Variants in PXDN observed in about 807,000 individuals in gnomAD.
PXDN encodes peroxidasin.
A neutral mutation model predicts 140.3 loss-of-function variants in PXDN; 77 were observed. The ratio of observed to expected loss-of-function variants is 0.55; its 90% confidence interval spans 0.46 to 0.66. The LOEUF is 0.66. PXDN is among the 30% of genes least tolerant of loss of function. The pLI, the probability that PXDN is intolerant of heterozygous loss-of-function variation, is 0.00. For synonymous variants in PXDN, 911 were observed against 857.4 expected, an observed-to-expected ratio of 1.06 and a Z score of -1.09; for missense variants, 1,838 against 2,039.5, an observed-to-expected ratio of 0.90 and a Z score of 1.90.
chr2:1,634,230 G>A lies in PXDN; in HGVS notation c.4414C>T (p.Gln1472Ter). 6.2e-7 allele frequency: 1 copy of A among 1,601,260 alleles called. No individual in the cohort carries two copies. Among genetic ancestry groups the A allele is most frequent in the Non-Finnish European group, 8.5e-7 (1 of 1,174,024 alleles). ...TAGGGCTTTTCCTCCGCCCTCTTCT[G>A]TAAGCAGACTGGACAGCAGGCCCCT... ...IPGACCPVCLQKRAEEKP is the reference protein window; with the variant it reads ...IPGACCPVCL The change falls in exon 23 of 23, where the codon CAG (glutamine) becomes TAG (stop). Residue 1472 changes from glutamine to a stop codon, truncating the protein, a stop_gained. Coordinates refer to ENST00000252804, the MANE Select transcript of PXDN (RefSeq NM_012293.3). LOFTEE classifies it low-confidence loss of function (END_TRUNC).
At chr2:1,695,323 G>C (rs984139312) in intron 1 of PXDN, among the ~76,000 whole-genome samples, 1 of 150,322 alleles carries the variant, frequency 6.7e-6, no homozygotes, top group Admixed American at 6.6e-5. Context: ...CTGCTGGACA[G>C]AGAGGTGCTG....
At chr2:1,658,570 C>G (rs1683224892) in intron 14 of PXDN, among the ~76,000 whole-genome samples, 1 of 152,112 alleles carries the variant, frequency 6.6e-6, no homozygotes, top group Admixed American at 6.5e-5. Flanking sequence ...CACTATCCTC[C>G]CCGACACCTC....
chr2:1,712,189 A>T (rs1263009912), intron 1 of PXDN, among the ~76,000 whole-genome samples: 2 of 152,230 alleles, frequency 1.3e-5, no homozygotes, highest in African/African-American at 4.8e-5. Flanking sequence ...CTGGGAAGTA[A>T]ATCAAAGTAC....
At chr2:1,653,866 A>G in intron 15 of PXDN, 81 bp from the exon 16 acceptor site, 1 of 1,377,332 alleles carries the variant, frequency 7.3e-7, no homozygotes, top group Non-Finnish European at 9.8e-7. Context: ...AAATATAATC[A>G]TTGCTATTAA....
In PXDN at chr2:1,666,159, G is replaced by T. The variant is rs539836558; in HGVS notation, c.1291+55C>A. 5.1e-4 allele frequency: 820 copies of T among 1,594,398 alleles called. 1 individual carries two copies. The Middle Eastern group carries it at 5.2e-3, about 10-fold the overall frequency. On this transcript the variant is annotated intron_variant, in intron 10 of 22. Coordinates refer to ENST00000252804, the MANE Select transcript of PXDN (RefSeq NM_012293.3). ...TGTGGGTATGGCAGCGCGAGCTAGT[G>T]GAGGGGTGAGGATGGGGCTGAGCCC...
At position 1,664,974 on chromosome 2, in the gene PXDN, G is replaced by A. The variant is rs61749582; in HGVS notation, c.1392C>T (p.Ile464=). The change falls in exon 11 of 23, where the codon ATC becomes ATT. Residue 464 remains isoleucine (I), a synonymous_variant. Coordinates refer to ENST00000252804, the MANE Select transcript of PXDN (RefSeq NM_012293.3). ...CEAKGNPPPV[I]AWTKGGSQLS... is the part of the protein sequence containing the mutation. ...GGGTCTTACCTCCCTTGGTCCAGGC[G>A]ATGACGGGCGGCGGGTTGCCCTTGG... 834 of 1,609,932 alleles carry A rather than the reference G, an allele frequency of 5.2e-4. 9 individuals carry two copies. The African/African-American group carries it at 9.7e-3, about 19-fold the overall frequency.
At chr2:1,723,587 T>A (rs896912216) in intron 1 of PXDN, among the ~76,000 whole-genome samples, 3 of 151,970 alleles carry the variant, frequency 2.0e-5, no homozygotes, top group African/African-American at 4.8e-5. Context: ...GATGGATGGA[T>A]GGATTAATGG....
chr2:1,687,814 AT>A lies in PXDN; in HGVS notation c.345-112del. 2 of 778,428 alleles carry A rather than the reference AT, an allele frequency of 2.6e-6. No homozygotes were observed. Among genetic ancestry groups the A allele is most frequent in the Non-Finnish European group, 4.1e-6 (2 of 491,414 alleles). 48.2% of individuals were successfully genotyped at this position (778,428 alleles called of 1,614,324 possible). On this transcript the variant is annotated intron_variant, in intron 3 of 22. Transcript: ENST00000252804. The surrounding 1 kb of genome is among the most constrained non-coding windows in gnomAD (Gnocchi z 4.0). The stretch of plus-strand genomic sequence containing the variant: ...AGACAGTTTTACAATTAATGACTGT[AT>A]TAGAATGCAAACAAACCATCTGCAC...
At chr2:1,717,292 GGAACAGA>G (rs995729420) in intron 1 of PXDN, among the ~76,000 whole-genome samples, 107 of 152,188 alleles carry the variant, frequency 7.0e-4, no homozygotes, top group African/African-American at 2.5e-3. Flanking sequence ...AAGTCTGACG[GGAACAGA>G]GATTCCGCTG....
intron 1 of PXDN, among the ~76,000 whole-genome samples, chr2:1,706,809 C>T (rs60398584): frequency 0.33 from 37,760 of 115,098 alleles, 7,003 homozygotes; most frequent in Admixed American, 0.43. Context: ...CTCTAAGCAT[C>T]GCCTGCCCCA....
rs935191330 is a variant in PXDN at position 1,666,253 on chromosome 2, T to C, written c.1252A>G (p.Ile418Val). 1 of 1,613,944 alleles carries C rather than the reference T, an allele frequency of 6.2e-7. No individual in the cohort carries two copies. The highest frequency in any genetic ancestry group is 2.2e-5 in the East Asian group (1 of 44,872). The change falls in exon 10 of 23, where the codon ATT becomes GTT. Residue 418 changes from isoleucine to valine, a missense_variant. Physicochemically the swap from Ile to Val is conservative, Grantham distance 29. Transcript: ENST00000252804. ...GEYACSATNN[I>V]DSVHATAFII... ...AAAGCGGTGGCATGGACGCTGTCAA[T>C]GTTGTTGGTCGCAGAGCACGCATAC...
chr2:1,736,638 G>T (rs1685429160), intron 1 of PXDN, among the ~76,000 whole-genome samples: 1 of 151,806 alleles, frequency 6.6e-6, no homozygotes, highest in Non-Finnish European at 1.5e-5. Flanking sequence ...TGGGCAAATA[G>T]CAAGACTCCA....
At chr2:1,716,008 G>A (rs1015633744) in intron 1 of PXDN, among the ~76,000 whole-genome samples, 11 of 152,178 alleles carry the variant, frequency 7.2e-5, no homozygotes, top group African/African-American at 1.7e-4. Context: ...CTAATTTGAC[G>A]GCAGGTGGTG....
chr2:1,728,065 A>G (rs1438661041), intron 1 of PXDN, among the ~76,000 whole-genome samples: 1 of 152,156 alleles, frequency 6.6e-6, no homozygotes, highest in Non-Finnish European at 1.5e-5. Context: ...CCTCCAAGTG[A>G]GTAGCCAGGA....
chr2:1,733,666 C>T (rs373207727), intron 1 of PXDN, among the ~76,000 whole-genome samples: 10 of 141,822 alleles, frequency 7.1e-5, no homozygotes, highest in South Asian at 2.3e-4. Context: ...CGCTTGAACC[C>T]GGGAGGCGGA....
chr2:1,650,921 G>A (rs1056386868), intron 16 of PXDN, among the ~76,000 whole-genome samples: 4 of 151,968 alleles, frequency 2.6e-5, no homozygotes. Context: ...CCTTTTCTGT[G>A]GGGGAGCGGT....
intron 8 of PXDN, among the ~76,000 whole-genome samples, chr2:1,675,793 G>C (rs374248859): frequency 2.1e-4 from 21 of 100,244 alleles, no homozygotes; most frequent in African/African-American, 2.1e-4. Context: ...ATCACAGTTT[G>C]AGCCCGAGTA....
At chr2:1,726,791 T>C (rs183730184) in intron 1 of PXDN, among the ~76,000 whole-genome samples, 146 of 152,340 alleles carry the variant, frequency 9.6e-4, no homozygotes, top group Middle Eastern at 6.8e-3. Flanking sequence ...GTACAGAGCT[T>C]TTACTTTAAT....
At position 1,633,001 on chromosome 2, in the gene PXDN, G is replaced by C. The variant is rs1446187374; in HGVS notation, c.*1203C>G. The C allele has an allele frequency of 6.6e-6, 1 of 152,458 alleles. No individual in the cohort carries two copies. Among genetic ancestry groups the C allele is most frequent in the Non-Finnish European group, 1.5e-5 (1 of 68,018 alleles). The allele number at this position is 152,458 out of a possible 1,614,324, so 9.4% of individuals were successfully genotyped here. A position where few individuals can be genotyped will look rare whatever the true frequency, so the allele number is the denominator to read the frequency against. ...TATTTAGAGAAAAATGGAAGGTTTTGGTCAATTAAAGAGAGACCATGAGGT... is the reference window on the plus strand; with the variant it reads ...TATTTAGAGAAAAATGGAAGGTTTTCGTCAATTAAAGAGAGACCATGAGGT... On this transcript the variant is annotated 3_prime_UTR_variant, in exon 23 of 23. Transcript: ENST00000252804.
Sources: allele counts gnomAD v4.1 joint callset (sites outside exome capture counted in the v4.1 genomes callset), GRCh38; gene constraint gnomAD v4.1.1; non-coding constraint Gnocchi (gnomAD v3.1); transcripts MANE v1.5; gene names NCBI Gene and HGNC (gene_info 2026-07-23, HGNC 2026-07-21).